The following ANK2 variants were observed in gnomAD, a reference collection of about 807,000 sequenced individuals.
The protein encoded by ANK2 is ankyrin 2, also known as ankyrin-2.
ANK2 carries 83 observed loss-of-function variants against 360.5 expected under a neutral mutation model. That is an observed-to-expected ratio of 0.23 (90% CI 0.19 to 0.28). The LOEUF (loss-of-function observed/expected upper bound fraction) is 0.28. Among genes scored for constraint, ANK2 ranks in the 10% least tolerant of loss-of-function variants. The pLI, the probability that ANK2 is intolerant of heterozygous loss-of-function variation, is 1.00. For missense variants in ANK2, 4,201 were observed against 4,795.7 expected, an observed-to-expected ratio of 0.88 and a Z score of 3.66; for synonymous variants, 1,740 against 1,759.5, an observed-to-expected ratio of 0.99 and a Z score of 0.28.
intron 1 of ANK2, among the ~76,000 whole-genome samples, chr4:113,090,357 T>A (rs1255826778): frequency 6.6e-6 from 1 of 152,214 alleles, no homozygotes; most frequent in Non-Finnish European, 1.5e-5. Context: ...AGTTTTAAAA[T>A]GGAAAACCTA....
At chr4:112,763,974 G>A in the ANK2 span, among the ~76,000 whole-genome samples, 1 of 150,254 alleles carries the variant, frequency 6.7e-6, no homozygotes, top group Admixed American at 6.6e-5. Context: ...GAGGGAGTCT[G>A]GCTCTGTCGT....
chr4:113,232,090 G>A lies in ANK2; in HGVS notation c.385-71G>A, dbSNP rs76229973. ...GTATTTTACCTATCTTCCCTATGTC[G>A]AAGGTTTACTTCCTAGTGTTCTCTC... On this transcript the variant is annotated intron_variant, in intron 4 of 45. Transcript: ENST00000357077. The A allele has an allele frequency of 6.4e-4, 685 of 1,070,192 alleles. 2 individuals carry two copies. In the African/African-American group the frequency reaches 9.2e-3, roughly 14 times the overall value. The allele number at this position is 1,070,192 out of a possible 1,614,324, so 66.3% of individuals were successfully genotyped here. A position where few individuals can be genotyped will look rare whatever the true frequency, so the allele number is the denominator to read the frequency against.
intron 1 of ANK2, among the ~76,000 whole-genome samples, chr4:112,847,073 T>C (rs575885450): frequency 6.6e-6 from 1 of 152,278 alleles, no homozygotes; most frequent in African/African-American, 2.4e-5. Flanking sequence ...AGTCACATAC[T>C]CTGTGAAAAC....
rs940308664 is a variant in ANK2, at chr4:113,278,470, C to T, written c.1793C>T (p.Thr598Ile). 1 of 1,613,816 alleles carries T rather than the reference C, an allele frequency of 6.2e-7. No homozygotes were observed. The highest frequency in any genetic ancestry group is 8.5e-7 in the Non-Finnish European group (1 of 1,179,928). The stretch of plus-strand genomic sequence containing the variant: ...ACACACCCTTTACAGAACGGCCTTA[C>T]CCCGCTCCATGTTGCTGCTCATTAT... ...AADSAGKNGL[T>I]PLHVAAHYDN... The change falls in exon 17 of 46, where the codon ACC (threonine) becomes ATC (isoleucine). Residue 598 changes from threonine (T) to isoleucine (I), a missense_variant. Physicochemically the swap from Thr to Ile is moderately conservative, Grantham distance 89. This residue lies in a region of ANK2 where 1,268 missense variants were observed against 1,650.8 expected (regional missense o/e 0.77). Coordinates refer to ENST00000357077, the MANE Select transcript of ANK2 (RefSeq NM_001148.6).
At chr4:112,878,119 ACT>A (rs2075648135) in intron 1 of ANK2, among the ~76,000 whole-genome samples, 2 of 140,044 alleles carry the variant, frequency 1.4e-5, no homozygotes, top group African/African-American at 2.8e-5. Flanking sequence ...ATGACTTCAA[ACT>A]CTCTATCTCT....
At chr4:112,926,190 A>C (rs907600949) in intron 2 of ANK2, among the ~76,000 whole-genome samples, 1 of 152,202 alleles carries the variant, frequency 6.6e-6, no homozygotes, top group African/African-American at 2.4e-5. Flanking sequence ...TCCTCCAGTC[A>C]TTTTGGTGTG....
At chr4:112,808,566 C>T in the ANK2 span, among the ~76,000 whole-genome samples, 1 of 151,996 alleles carries the variant, frequency 6.6e-6, no homozygotes, top group African/African-American at 2.4e-5. Context: ...ATAATTCTTC[C>T]CAATTCAATT....
At chr4:112,709,986 C>T in the ANK2 span, among the ~76,000 whole-genome samples, 1 of 152,168 alleles carries the variant, frequency 6.6e-6, no homozygotes, top group Admixed American at 6.5e-5. Context: ...AGTGTTCCTT[C>T]ATTCTTTGCT....
At chr4:112,835,817 G>C (rs368474661) in intron 1 of ANK2, among the ~76,000 whole-genome samples, 15 of 152,178 alleles carry the variant, frequency 9.9e-5, no homozygotes, top group East Asian at 9.6e-4. Context: ...TGCAAATTCT[G>C]TTGGATAGGG....
chr4:113,369,962 C>T (rs1018742159), intron 43 of ANK2, among the ~76,000 whole-genome samples, 157 bp downstream of exon 43: 4 of 152,200 alleles, frequency 2.6e-5, no homozygotes, highest in Non-Finnish European at 5.9e-5. Flanking sequence ...CTTTTAAAAT[C>T]TGAGAGCCGA....
chr4:113,323,914 G>A (rs1273369916), intron 26 of ANK2: 1 of 799,470 alleles, frequency 1.3e-6, no homozygotes, highest in Non-Finnish European at 1.9e-6. Context: ...TAGCCAAAGA[G>A]ATAGAAAGAT....
intron 2 of ANK2, among the ~76,000 whole-genome samples, chr4:112,957,032 TA>T (rs1166560696): frequency 2.6e-3 from 343 of 132,344 alleles, no homozygotes; most frequent in Non-Finnish European, 4.4e-3. Flanking sequence ...TTTTTTTTTT[TA>T]ATTGATCATT....
chr4:113,291,369 TTTTCAGG>T (rs2067477119), intron 20 of ANK2, among the ~76,000 whole-genome samples: 1 of 152,234 alleles, frequency 6.6e-6, no homozygotes, highest in African/African-American at 2.4e-5. Flanking sequence ...TTGATTTATA[TTTTCAGG>T]TTTCCTGGGG....
At chr4:112,913,810 C>T (rs946656743) in intron 2 of ANK2, among the ~76,000 whole-genome samples, 1 of 151,998 alleles carries the variant, frequency 6.6e-6, no homozygotes, top group African/African-American at 2.4e-5. Flanking sequence ...GAAAGAGATC[C>T]AAACCTTATA....
Position 113,358,638 on chromosome 4 carries a change from T to C in ANK2, c.10020T>C (p.Asp3340=). Residue 3340 remains aspartate (D), a synonymous_variant, in exon 38 of 46, where the codon GAT becomes GAC. Transcript: ENST00000357077. The stretch of plus-strand genomic sequence containing the variant: ...GTGTAGATGAGGAAAATAAGGCGGA[T>C]GAAGCAAAACCAAAGTCCAAACTCC... The part of the protein sequence containing the change: ...LSSVDEENKA[D]EAKPKSKLPV... 6.2e-7 allele frequency: 1 copy of C among 1,612,244 alleles called. No homozygotes were observed. The highest frequency in any genetic ancestry group is 8.5e-7 in the Non-Finnish European group (1 of 1,179,344).
At chr4:113,221,229 G>C (rs2099147491) in intron 4 of ANK2, among the ~76,000 whole-genome samples, 1 of 152,200 alleles carries the variant, frequency 6.6e-6, no homozygotes, top group Admixed American at 6.5e-5. Flanking sequence ...GAGCATGTGA[G>C]TGTAGAAATA....
At chr4:113,219,122 C>A (rs193230348) in intron 4 of ANK2, among the ~76,000 whole-genome samples, 135 of 152,220 alleles carry the variant, frequency 8.9e-4, no homozygotes, top group Non-Finnish European at 4.1e-4. Context: ...TATTTTAATG[C>A]ACTGGCTACA....
At position 113,354,327 on chromosome 4, in the gene ANK2, T is replaced by C; in HGVS notation, c.5709T>C (p.Pro1903=). The change falls in exon 38 of 46, where the codon CCT becomes CCC. Residue 1903 remains proline, a synonymous_variant. Coordinates refer to ENST00000357077, the MANE Select transcript of ANK2 (RefSeq NM_001148.6). ...CTACAAAAACAGAAAGACACCCACC[T>C]GTTTCGCCTTCAGGCAAAACAGACA... The part of the protein sequence containing the change: ...VSSTKTERHP[P]VSPSGKTDKR... 1.2e-6 allele frequency: 2 copies of C among 1,614,118 alleles called. No homozygotes were observed. The highest frequency in any genetic ancestry group is 8.5e-7 in the Non-Finnish European group (1 of 1,180,002).
At chr4:112,809,814 G>A in the ANK2 span, among the ~76,000 whole-genome samples, 392 of 149,048 alleles carry the variant, frequency 2.6e-3, no homozygotes, top group African/African-American at 9.2e-3. Flanking sequence ...CAGCCTGGGT[G>A]AGAGTGAGAG....
Sources: allele counts gnomAD v4.1 joint callset (sites outside exome capture counted in the v4.1 genomes callset), GRCh38; gene constraint gnomAD v4.1.1; regional missense constraint gnomAD v4.1.1; transcripts MANE v1.5; gene names NCBI Gene and HGNC (gene_info 2026-07-23, HGNC 2026-07-21).